Variants in TCF20 observed in about 807,000 individuals in gnomAD.
TCF20 encodes SPRE-binding protein.
In TCF20, 3 loss-of-function variants were observed where a neutral mutation model predicts 148.6. That is an observed-to-expected ratio of 0.02 (90% CI 0.01 to 0.05). TCF20 has a LOEUF of 0.05. TCF20 is among the 10% of genes least tolerant of loss of function. The pLI is 1.00. For missense variants in TCF20, 2,350 were observed against 2,429.3 expected (o/e 0.97, Z 0.69); for synonymous variants, 1,049 against 909.5 (o/e 1.15, Z -2.76).
rs181022021 is a variant in TCF20, at chr22:42,229,286, G to T, written c.-36-13945C>A. On this transcript the variant is annotated intron_variant, in intron 1 of 5. Transcript: ENST00000677622. Reference sequence around the variant, plus strand: ...AGCACACAGCTGTGGGAGCAGAGGGGCACCTAACCTGTTTAAACTTAGCAC... The same window carrying T: ...AGCACACAGCTGTGGGAGCAGAGGGTCACCTAACCTGTTTAAACTTAGCAC... Among the ~76,000 whole-genome samples, 226 of 152,246 alleles carry T rather than the reference G, an allele frequency of 1.5e-3. 1 individual carries two copies. Among genetic ancestry groups the T allele is most frequent in the Middle Eastern group, 0.014 (4 of 294 alleles).
chr22:42,227,240 G>GCAC (rs1388331739), intron 1 of TCF20, among the ~76,000 whole-genome samples: 1 of 152,120 alleles, frequency 6.6e-6, no homozygotes, highest in Non-Finnish European at 1.5e-5. Flanking sequence ...TCGTTCCATT[G>GCAC]CACTCCAGCC....
At chr22:42,255,353 G>C (rs907714844) in intron 1 of TCF20, among the ~76,000 whole-genome samples, 2 of 152,050 alleles carry the variant, frequency 1.3e-5, no homozygotes, top group Non-Finnish European at 2.9e-5. Flanking sequence ...GCCGGGCTTG[G>C]TGGTGCGTGC....
rs200903962 is a variant in TCF20, at chr22:42,174,720, AT to A, written c.5750-4825del. ...ACAGTGAGACCCTGTCTCAAAAAAAATTTTTTTTTTTTTCACTTAAAAGCCA... is the reference window on the plus strand; with the variant it reads ...ACAGTGAGACCCTGTCTCAAAAAAAATTTTTTTTTTTTCACTTAAAAGCCA... On this transcript the variant is annotated intron_variant, in intron 3 of 5. Coordinates refer to ENST00000677622, the MANE Select transcript of TCF20 (RefSeq NM_001378418.1). Among the ~76,000 whole-genome samples, 452 of 147,186 alleles carry A rather than the reference AT, an allele frequency of 3.1e-3. 1 individual carries two copies. The highest frequency in any genetic ancestry group is 8.8e-3 in the African/African-American group (357 of 40,446).
Position 42,212,218 on chromosome 22 carries a change from G to C in TCF20, c.3088C>G (p.Pro1030Ala), listed in dbSNP as rs200309070. ...GTCATGTGTGGATTCATGTGATGAG[G>C]GTCTCCCCCTGGGCCTCTGCTCCGC... Reference protein sequence around the residue: ...PGRSRGPGGDPHHMNPHMTFS... With the variant: ...PGRSRGPGGDAHHMNPHMTFS... Residue 1030 changes from proline (P) to alanine (A), a missense_variant, in exon 2 of 6, where the codon CCT (proline) becomes GCT (alanine). This residue lies in a region of TCF20 where 1,641 missense variants were observed against 1,662.6 expected (regional missense o/e 0.99). Transcript: ENST00000677622. 1 of 1,614,122 alleles carries C rather than the reference G, an allele frequency of 6.2e-7. No homozygotes were observed. Among genetic ancestry groups the C allele is most frequent in the Non-Finnish European group, 8.5e-7 (1 of 1,180,020 alleles).
intron 1 of TCF20, among the ~76,000 whole-genome samples, chr22:42,228,683 T>C (rs747271871): frequency 7.9e-5 from 12 of 152,058 alleles, no homozygotes; most frequent in African/African-American, 1.7e-4. Context: ...CACATCCACA[T>C]GGAAACAGCA....
intron 1 of TCF20, among the ~76,000 whole-genome samples, chr22:42,229,798 C>T (rs1258572873): frequency 1.3e-5 from 2 of 152,160 alleles, no homozygotes; most frequent in Non-Finnish European, 1.5e-5. Flanking sequence ...GGTGATCTTG[C>T]CTTCCCCAAA....
chr22:42,302,484 G>A (rs1927355002), intron 1 of TCF20, among the ~76,000 whole-genome samples: 1 of 152,058 alleles, frequency 6.6e-6, no homozygotes, highest in African/African-American at 2.4e-5. Context: ...ATGCAGGGAG[G>A]CCACTAGCCA....
intron 2 of TCF20, among the ~76,000 whole-genome samples, chr22:42,207,591 G>C (rs550918707): frequency 5.3e-5 from 8 of 152,234 alleles, no homozygotes; most frequent in Non-Finnish European, 1.0e-4. Context: ...CGAGGTGGGC[G>C]GATCACCTGA....
chr22:42,191,384 G>C (rs1458900575), intron 2 of TCF20, among the ~76,000 whole-genome samples: 1 of 152,062 alleles, frequency 6.6e-6, no homozygotes, highest in African/African-American at 2.4e-5. Context: ...CTACCTCCCG[G>C]GTTCAAGTGA....
chr22:42,295,732 G>A (rs917935088), intron 1 of TCF20, among the ~76,000 whole-genome samples: 7 of 152,228 alleles, frequency 4.6e-5, no homozygotes, highest in East Asian at 1.9e-4. Context: ...GAGCCACCGC[G>A]CCCGGCCTAC....
Position 42,211,857 on chromosome 22 carries a change from C to A in TCF20, c.3449G>T (p.Gly1150Val). Residue 1150 changes from glycine to valine, a missense_variant, in exon 2 of 6, where the codon GGG becomes GTG. Coordinates refer to ENST00000677622, the MANE Select transcript of TCF20 (RefSeq NM_001378418.1). ...KDGMMYGPPV[G>V]TYHDPSAQEA... ...CTGGGCACTGGGGTCATGGTAAGTC[C>A]CCACTGGTGGGCCATACATCATACC... 6.2e-7 allele frequency: 1 copy of A among 1,614,164 alleles called. No homozygotes were observed. The highest frequency in any genetic ancestry group is 8.5e-7 in the Non-Finnish European group (1 of 1,180,028).
intron 1 of TCF20, among the ~76,000 whole-genome samples, chr22:42,217,611 TTAGAGAACTAGGC>T (rs1921942307): frequency 6.6e-6 from 1 of 152,212 alleles, no homozygotes; most frequent in Non-Finnish European, 1.5e-5. Flanking sequence ...GAACTAGGCC[TTAGAGAACTAGGC>T]TAGAACTCAC....
At position 42,314,345 on chromosome 22, in the gene TCF20, G is replaced by A. The variant is rs1927591539; in HGVS notation, c.-37+29134C>T. 1.3e-5 allele frequency among the ~76,000 whole-genome samples: 2 copies of A among 152,260 alleles called. 1 individual carries two copies. The highest frequency in any genetic ancestry group is 4.1e-4 in the South Asian group (2 of 4,838). On this transcript the variant is annotated intron_variant, in intron 1 of 1. Transcript: ENST00000515426. ...GACACGGACCAGCTGCCGCTGCCGG[G>A]GGACAGGCTGCCAGAGCGCCGATGG... is the stretch of plus-strand genomic sequence containing the variant.
chr22:42,214,664 G>T lies in TCF20; in HGVS notation c.642C>A (p.Pro214=), dbSNP rs1035664867. Residue 214 remains proline, a synonymous_variant, in exon 2 of 6, where the codon CCC becomes CCA. Coordinates refer to ENST00000677622, the MANE Select transcript of TCF20 (RefSeq NM_001378418.1). ...CAGCAGCAGAGGATGGCAGAGTTGA[G>T]GGCCGCTGCATTGGCTGTAGATGGG... is the stretch of plus-strand genomic sequence containing the variant. ...SSSHLQPMQR[P]STLPSSAAGY... 1 of 1,614,168 alleles carries T rather than the reference G, an allele frequency of 6.2e-7. No homozygotes were observed. The highest frequency in any genetic ancestry group is 8.5e-7 in the Non-Finnish European group (1 of 1,180,034).
intron 2 of TCF20, among the ~76,000 whole-genome samples, chr22:42,202,152 G>C (rs553025307): frequency 6.6e-6 from 1 of 152,318 alleles, no homozygotes; most frequent in Non-Finnish European, 1.5e-5. Flanking sequence ...AGATGAGCTA[G>C]CTGCACTATG....
intron 1 of TCF20, among the ~76,000 whole-genome samples, chr22:42,296,874 T>TG (rs1253200049): frequency 6.6e-6 from 1 of 151,162 alleles, no homozygotes; most frequent in Non-Finnish European, 1.5e-5. Flanking sequence ...CAGGGGGAGA[T>TG]TTTCAAGTCA....
chr22:42,244,759 AT>A (rs1295553958), intron 1 of TCF20, among the ~76,000 whole-genome samples: 5 of 152,040 alleles, frequency 3.3e-5, no homozygotes, highest in African/African-American at 1.2e-4. Flanking sequence ...AAAATGATTA[AT>A]TTTGTCACGT....
At chr22:42,300,764 C>CA (rs1266046935) in intron 1 of TCF20, among the ~76,000 whole-genome samples, 1 of 152,136 alleles carries the variant, frequency 6.6e-6, no homozygotes, top group African/African-American at 2.4e-5. Flanking sequence ...ATGACTAACC[C>CA]AGGCCTGCCT....
At chr22:42,202,508 G>T (rs1938102910) in intron 2 of TCF20, among the ~76,000 whole-genome samples, 1 of 152,128 alleles carries the variant, frequency 6.6e-6, no homozygotes, top group African/African-American at 2.4e-5. Context: ...TGTGACTCTG[G>T]GGCTCTCACC....
Sources: allele counts gnomAD v4.1 joint callset (sites outside exome capture counted in the v4.1 genomes callset), GRCh38; gene constraint gnomAD v4.1.1; regional missense constraint gnomAD v4.1.1; transcripts MANE v1.5; gene names NCBI Gene and HGNC (gene_info 2026-07-23, HGNC 2026-07-21).